SF3B1: variants seen among roughly 807,000 people sequenced by gnomAD.
SF3B1 encodes splicing factor 3b subunit 1.
Under a neutral mutation model 153.8 loss-of-function variants are expected in SF3B1, and 12 were observed. The ratio of observed to expected loss-of-function variants is 0.08; its 90% CI spans 0.05 to 0.13. SF3B1 has a LOEUF of 0.13. SF3B1 is among the 10% of genes least tolerant of loss of function. The probability of loss-of-function intolerance (pLI) is 1.00; values close to 1 mark genes in which losing one functional copy is unlikely to be tolerated. For missense variants in SF3B1, 513 were observed against 1,606.1 expected, an observed-to-expected ratio of 0.32 and a Z score of 11.63; for synonymous variants, 498 against 525.2, an observed-to-expected ratio of 0.95 and a Z score of 0.71.
In SF3B1 at chr2:197,416,897, T is replaced by C. The variant is rs536445646; in HGVS notation, c.510A>G (p.Gln170=). 4 of 1,610,920 alleles carry C rather than the reference T, an allele frequency of 2.5e-6. No homozygotes were observed. Among genetic ancestry groups the C allele is most frequent in the East Asian group, 4.5e-5 (2 of 44,840 alleles). ...CAGCTTTAGCTTTTTCTGCTAGCTG[T>C]TGCCTAATTTCTCGCTGAAAAAAAC... ...HLTKEEREIR[Q]QLAEKAKAGE... Residue 170 remains glutamine (Q), a synonymous_variant, in exon 6 of 25, where the codon CAA becomes CAG. Coordinates refer to ENST00000335508, the MANE Select transcript of SF3B1 (RefSeq NM_012433.4).
At chr2:197,395,291 C>T (rs1006488699) in intron 23 of SF3B1, among the ~76,000 whole-genome samples, 1 of 152,196 alleles carries the variant, frequency 6.6e-6, no homozygotes, top group Non-Finnish European at 1.5e-5. Flanking sequence ...CTTACTTTGT[C>T]TCCATGTCTT....
At chr2:197,394,205 T>G (rs2084849293) in intron 23 of SF3B1, among the ~76,000 whole-genome samples, 1 of 152,024 alleles carries the variant, frequency 6.6e-6, no homozygotes, top group South Asian at 2.1e-4. Context: ...GAAAAATTAT[T>G]TTTCTTTTTT....
rs374289977 is a variant in SF3B1 at position 197,403,580 on chromosome 2, C to A, written c.1719+5G>T. On this transcript the variant is annotated splice_donor_5th_base_variant and intron_variant, in intron 12 of 24. Transcript: ENST00000335508. The stretch of plus-strand genomic sequence containing the variant: ...CTATCAGAAACACTATTAAGGAGAA[C>A]AAACCTTATGCACATATGGACGAAC... 3.9e-6 allele frequency: 6 copies of A among 1,534,712 alleles called. No homozygotes were observed. The highest frequency in any genetic ancestry group is 1.7e-4 in the Middle Eastern group (1 of 5,810).
Position 197,391,858 on chromosome 2 carries a change from AACT to A in SF3B1, c.*442_*444del, listed in dbSNP as rs1559261697. On this transcript the variant is annotated 3_prime_UTR_variant, in exon 25 of 25. Transcript: ENST00000335508. Reference sequence around the variant, plus strand: ...CACTTTATATAGTTTTTATTCAGCTAACTACTTTCTATAAACCATGTGACAGAA... The same window carrying A: ...CACTTTATATAGTTTTTATTCAGCTAACTTTCTATAAACCATGTGACAGAA... 1.2e-5 allele frequency: 2 copies of A among 165,990 alleles called. No individual in the cohort carries two copies. Among genetic ancestry groups the A allele is most frequent in the African/African-American group, 4.8e-5 (2 of 41,866 alleles). The allele number at this position is 165,990 out of a possible 1,614,324, so 10.3% of individuals were successfully genotyped here.
intron 5 of SF3B1, among the ~76,000 whole-genome samples, 172 bp downstream of exon 5, chr2:197,418,337 A>C (rs1559274111): frequency 6.6e-6 from 1 of 151,586 alleles, no homozygotes; most frequent in East Asian, 1.9e-4. Flanking sequence ...ATAGAAATGA[A>C]AAGTTTTACT....
At chr2:197,398,345 A>G (rs72912894) in intron 21 of SF3B1, 116 bp downstream of exon 21, 28,906 of 1,126,470 alleles carry the variant, frequency 0.026, 541 homozygotes, top group Non-Finnish European at 0.028. Flanking sequence ...AATACTGGAT[A>G]GCCTAATCTT....
rs111736429 is a variant in SF3B1, at chr2:197,398,035, A to G, written c.3216T>C (p.Ala1072=). Reference sequence around the variant, plus strand: ...ATGTGTTGACTGTGGCTCTACGAATAGCCTTTTTGTGGGCTTTTAAGAGCT... The same window carrying G: ...ATGTGTTGACTGTGGCTCTACGAATGGCCTTTTTGTGGGCTTTTAAGAGCT... ...LLELLKAHKK[A]IRRATVNTFG... is the part of the protein sequence containing the mutation. The change falls in exon 22 of 25, where the codon GCT becomes GCC. Residue 1072 remains alanine (A), a synonymous_variant. Coordinates refer to ENST00000335508, the MANE Select transcript of SF3B1 (RefSeq NM_012433.4). 6.7e-3 allele frequency: 10,743 copies of G among 1,613,462 alleles called. 49 individuals carry two copies. Among genetic ancestry groups the G allele is most frequent in the Non-Finnish European group, 8.0e-3 (9,415 of 1,179,422 alleles).
At chr2:197,415,145 T>G (rs572973496) in intron 6 of SF3B1, among the ~76,000 whole-genome samples, 15 of 150,188 alleles carry the variant, frequency 1.0e-4, no homozygotes, top group Non-Finnish European at 1.9e-4. Context: ...CGATAAAACA[T>G]GTTTGCTGGT....
At chr2:197,429,088 A>T (rs1364221511) in intron 1 of SF3B1, among the ~76,000 whole-genome samples, 1 of 152,228 alleles carries the variant, frequency 6.6e-6, no homozygotes, top group Non-Finnish European at 1.5e-5. Context: ...CTATGCTAAT[A>T]ATCTCTTCCA....
In SF3B1 at chr2:197,400,581, CGTTT is replaced by C. The variant is rs1166804727; in HGVS notation, c.2718+130_2718+133del. The C allele has an allele frequency of 4.0e-6, 4 of 990,872 alleles. No homozygotes were observed. The highest frequency in any genetic ancestry group is 4.4e-6 in the Non-Finnish European group (3 of 679,918). 61.4% of individuals were successfully genotyped at this position (990,872 alleles called of 1,614,324 possible). ...CTTAAAACTTGAGGTAGAATAATAT[CGTTT>C]GGTAACCCCCTGAGCATTTTAAAAA... On this transcript the variant is annotated intron_variant, in intron 18 of 24. Coordinates refer to ENST00000335508, the MANE Select transcript of SF3B1 (RefSeq NM_012433.4). This position sits in a 1 kb window ranked among gnomAD's most constrained non-coding sequence, Gnocchi z 5.0.
At chr2:197,398,295 C>T (rs1243346071) in intron 21 of SF3B1, among the ~76,000 whole-genome samples, 166 bp downstream of exon 21, 4 of 152,148 alleles carry the variant, frequency 2.6e-5, no homozygotes, top group African/African-American at 9.7e-5. Context: ...TACATTGCCA[C>T]CCCCATTACC....
chr2:197,434,656 C>A lies in SF3B1; in HGVS notation c.28+316G>T, dbSNP rs150490365. 1.5e-3 allele frequency among the ~76,000 whole-genome samples: 232 copies of A among 152,334 alleles called. 1 individual carries two copies. The highest frequency in any genetic ancestry group is 5.3e-3 in the African/African-American group (221 of 41,572). ...AGGCGAGTGAGACCTTCTCCCCACG[C>A]CCGCTTCCCCGATCCCTTGCCCACG... is the stretch of plus-strand genomic sequence containing the variant. On this transcript the variant is annotated intron_variant, in intron 1 of 24. Transcript: ENST00000335508.
rs758305062 is a variant in SF3B1, at chr2:197,435,020, G to A, written c.-21C>T. The A allele has an allele frequency of 9.3e-6, 15 of 1,614,152 alleles. No individual in the cohort carries two copies. In the African/African-American group the frequency reaches 1.9e-4, roughly 20 times the overall value. Reference sequence around the variant, plus strand: ...GCCATTTTGTCCACTCGAACACACAGACGGAACTGGCGCTCCCAAGAACTT... The same window carrying A: ...GCCATTTTGTCCACTCGAACACACAAACGGAACTGGCGCTCCCAAGAACTT... On this transcript the variant is annotated 5_prime_UTR_variant, in exon 1 of 25. Coordinates refer to ENST00000335508, the MANE Select transcript of SF3B1 (RefSeq NM_012433.4).
rs768473183 is a variant in SF3B1, at chr2:197,408,356, G to C, written c.1117+13C>G. 6.2e-7 allele frequency: 1 copy of C among 1,610,388 alleles called. No individual in the cohort carries two copies. The highest frequency in any genetic ancestry group is 8.5e-7 in the Non-Finnish European group (1 of 1,176,732). On this transcript the variant is annotated intron_variant, in intron 8 of 24. Transcript: ENST00000335508. ...GGAGAAAAAAACAATTATGTCCAAT[G>C]AGACAGTTCTACCTGGAGTAGGGGT...
chr2:197,403,449 TATA>T (rs2105988512), intron 12 of SF3B1, 133 bp downstream of exon 12: 1 of 536,448 alleles, frequency 1.9e-6, no homozygotes, highest in South Asian at 3.3e-5. Flanking sequence ...TGTACATCTG[TATA>T]AAACTGTATT....
At chr2:197,408,718 T>C in intron 7 of SF3B1, 137 bp from the exon 8 acceptor site, 1 of 656,982 alleles carries the variant, frequency 1.5e-6, no homozygotes, top group Non-Finnish European at 2.6e-6. Context: ...TTTAAAGTTG[T>C]TTGAGACCAG....
Position 197,400,397 on chromosome 2 carries a change from T to C in SF3B1, c.2756A>G (p.Asn919Ser), listed in dbSNP as rs892233198. ...TGGTTTGACTCGTTTGCCAAGAGCATTAACCACTGTGCCAAAGCCGTTCAA... is the reference window on the plus strand; with the variant it reads ...TGGTTTGACTCGTTTGCCAAGAGCACTAACCACTGTGCCAAAGCCGTTCAA... ...VMLNGFGTVV[N>S]ALGKRVKPYL... is the part of the protein sequence containing the mutation. The change falls in exon 19 of 25, where the codon AAT becomes AGT. Residue 919 changes from asparagine to serine, a missense_variant. Asn to Ser is a conservative substitution (Grantham distance 46). Transcript: ENST00000335508. The surrounding 1 kb of genome is among the most constrained non-coding windows in gnomAD (Gnocchi z 5.0). 1.2e-6 allele frequency: 2 copies of C among 1,613,496 alleles called. No individual in the cohort carries two copies. Among genetic ancestry groups the C allele is most frequent in the Non-Finnish European group, 1.7e-6 (2 of 1,179,858 alleles).
rs559090821 is a variant in SF3B1, at chr2:197,427,889, G to T, written c.29-3915C>A. ...TAAAAATTAGCCAGGTGTGGTGGTG[G>T]GTGCCTGGAATCCCAGCTACTCAGG... On this transcript the variant is annotated intron_variant, in intron 1 of 24. Coordinates refer to ENST00000335508, the MANE Select transcript of SF3B1 (RefSeq NM_012433.4). Among the ~76,000 whole-genome samples, 3 of 152,104 alleles carry T rather than the reference G, an allele frequency of 2.0e-5. No individual in the cohort carries two copies. In the East Asian group the frequency reaches 5.8e-4, roughly 29 times the overall value.
rs765018709 is a variant in SF3B1, at chr2:197,409,987, G to A, written c.687C>T (p.Ser229=). 5 of 1,613,858 alleles carry A rather than the reference G, an allele frequency of 3.1e-6. No individual in the cohort carries two copies. The highest frequency in any genetic ancestry group is 2.2e-5 in the South Asian group (2 of 91,090). The part of the protein sequence containing the change: ...DQAETPGHTP[S]LRWDETPGRA... ...GACCTGGTGTCTCATCCCATCTTAA[G>A]GAAGGAGTATGCCCAGGGGTCTTAA... The change falls in exon 7 of 25, where the codon TCC becomes TCT. Residue 229 remains serine, a synonymous_variant. Coordinates refer to ENST00000335508, the MANE Select transcript of SF3B1 (RefSeq NM_012433.4).
Sources: gnomAD v4.1 joint callset for allele counts (sites outside exome capture counted in the v4.1 genomes callset) on GRCh38, gnomAD v4.1.1 for gene constraint, Gnocchi (gnomAD v3.1) non-coding constraint, MANE v1.5 for transcripts, NCBI Gene and HGNC (gene_info 2026-07-23, HGNC 2026-07-21) for gene names.